Variants in LARP1 observed in about 807,000 individuals in gnomAD.
LARP1 encodes the protein la-related protein 1.
Under a neutral mutation model 122.7 loss-of-function variants are expected in LARP1, and 36 were observed. That is an observed-to-expected ratio of 0.29 (90% CI 0.22 to 0.39). The LOEUF (loss-of-function observed/expected upper bound fraction) is 0.39. Among genes scored for constraint, LARP1 ranks in the 10% least tolerant of loss-of-function variants. The pLI is 1.00. For synonymous variants in LARP1, 539 were observed against 528.7 expected, an observed-to-expected ratio of 1.02 and a Z score of -0.27; for missense variants, 1,040 against 1,403.6, an observed-to-expected ratio of 0.74 and a Z score of 4.14.
At chr5:154,747,389 G>A (rs975576631) in intron 1 of LARP1, among the ~76,000 whole-genome samples, 1 of 151,278 alleles carries the variant, frequency 6.6e-6, no homozygotes, top group Non-Finnish European at 1.5e-5. Flanking sequence ...CCAACATGGC[G>A]AAACCTCGTC....
chr5:154,803,443 T>C lies in LARP1; in HGVS notation c.2233+30T>C. 1 of 1,614,054 alleles carries C rather than the reference T, an allele frequency of 6.2e-7. No individual in the cohort carries two copies. Among genetic ancestry groups the C allele is most frequent in the Non-Finnish European group, 8.5e-7 (1 of 1,179,996 alleles). On this transcript the variant is annotated intron_variant, in intron 12 of 18. Transcript: ENST00000518297. The surrounding 1 kb of genome is among the most constrained non-coding windows in gnomAD (Gnocchi z 4.4). ...GAAGCAGACACCTGAGATCCTGACA[T>C]GGGTGAGAGGATCTAGGGCCCTTGG...
intron 18 of LARP1, 32 bp from the exon 19 acceptor site, chr5:154,813,848 AGTGCTTC>A: frequency 6.4e-7 from 1 of 1,567,772 alleles, no homozygotes. Flanking sequence ...GGGCGTAGAT[AGTGCTTC>A]TGATCACCTG....
At chr5:154,739,236 G>A (rs1054951565) in intron 1 of LARP1, among the ~76,000 whole-genome samples, 5 of 152,112 alleles carry the variant, frequency 3.3e-5, no homozygotes, top group Non-Finnish European at 7.4e-5. Context: ...TAGCCAGGAT[G>A]GTCTCGATCT....
chr5:154,729,654 C>G lies in LARP1; in HGVS notation c.205+16524C>G, dbSNP rs181509979. The stretch of plus-strand genomic sequence containing the variant: ...CTTTGTGAGAACCAATGAATAGGAG[C>G]CTGAGCTGCTGGAATCTATCCCTAT... On this transcript the variant is annotated intron_variant, in intron 1 of 18. Coordinates refer to the LARP1 transcript ENST00000336314. 25 of 386,458 alleles carry G rather than the reference C, an allele frequency of 6.5e-5. No homozygotes were observed. In the East Asian group the frequency reaches 1.5e-3, roughly 23 times the overall value. The allele number at this position is 386,458 out of a possible 1,614,324, so 23.9% of individuals were successfully genotyped here. A position where few individuals can be genotyped will look rare whatever the true frequency, so the allele number is the denominator to read the frequency against.
chr5:154,766,090 G>T lies in LARP1; in HGVS notation c.436+9897G>T, dbSNP rs577601420. ...TCACCTGAGAAGAAGCCTGGAAAGA[G>T]AACTCAGTTTTGGTTGAGGAAAGGC... On this transcript the variant is annotated intron_variant, in intron 1 of 18. Coordinates refer to ENST00000518297, the MANE Select transcript of LARP1 (RefSeq NM_033551.3). 7.9e-5 allele frequency among the ~76,000 whole-genome samples: 12 copies of T among 152,344 alleles called. No individual in the cohort carries two copies. The South Asian group carries it at 8.3e-4, about 11-fold the overall frequency.
At chr5:154,801,687 C>T (rs978219351) in intron 10 of LARP1, among the ~76,000 whole-genome samples, 1 of 152,136 alleles carries the variant, frequency 6.6e-6, no homozygotes, top group East Asian at 1.9e-4. Flanking sequence ...TTCTGTGTGT[C>T]CACTCCTAAG....
chr5:154,702,803 A>C (rs1754777403), intron 1 of LARP1, among the ~76,000 whole-genome samples: 1 of 152,082 alleles, frequency 6.6e-6, no homozygotes, highest in Non-Finnish European at 1.5e-5. Context: ...ACTGTCCCAA[A>C]TCACCAACCA....
rs763725514 is a variant in LARP1 at position 154,803,561 on chromosome 5, A to G, written c.2255A>G (p.Asn752Ser). The change falls in exon 13 of 19, where the codon AAC (asparagine) becomes AGC (serine). Residue 752 changes from asparagine (N) to serine (S), a missense_variant. Physicochemically the swap from Asn to Ser is conservative, Grantham distance 46. Around this residue, in one of 8 missense-constraint regions of LARP1, gnomAD observed 362 missense variants for 533.1 expected, o/e 0.68. Coordinates refer to ENST00000518297, the MANE Select transcript of LARP1 (RefSeq NM_033551.3). The surrounding 1 kb of genome is among the most constrained non-coding windows in gnomAD (Gnocchi z 4.4). ...GCAGTTCCTACGGATGCCCTGGCCAACAAGTTGTTTGGTGCTCCTGAGCCC... is the reference window on the plus strand; with the variant it reads ...GCAGTTCCTACGGATGCCCTGGCCAGCAAGTTGTTTGGTGCTCCTGAGCCC... ...FQQVPTDALA[N>S]KLFGAPEPST... 2 of 1,614,110 alleles carry G rather than the reference A, an allele frequency of 1.2e-6. No homozygotes were observed. Among genetic ancestry groups the G allele is most frequent in the Admixed American group, 1.7e-5 (1 of 60,018 alleles).
At chr5:154,708,510 G>A (rs1208442292), upstream of LARP1, among the ~76,000 whole-genome samples, 2 of 152,208 alleles carry the variant, frequency 1.3e-5, no homozygotes, top group East Asian at 3.8e-4. Flanking sequence ...AGACATGTGT[G>A]CTCTGTGTCC....
chr5:154,705,491 G>C (rs1754907123), intron 1 of LARP1: 1 of 152,194 alleles, frequency 6.6e-6, no homozygotes, highest in Admixed American at 6.6e-5. Flanking sequence ...TCCTGCCTCA[G>C]CCTCCCGAGT....
At chr5:154,744,988 A>G (rs1753114242) in intron 1 of LARP1, among the ~76,000 whole-genome samples, 1 of 147,428 alleles carries the variant, frequency 6.8e-6, no homozygotes, top group Admixed American at 6.9e-5. Context: ...GTCCAGTGGC[A>G]CCATCTCTGC....
chr5:154,775,435 A>T (rs1755791659), intron 1 of LARP1, among the ~76,000 whole-genome samples: 1 of 150,778 alleles, frequency 6.6e-6, no homozygotes, highest in African/African-American at 2.4e-5. Context: ...TCGAAGCTGC[A>T]GTGAACTGTG....
chr5:154,790,372 C>T lies in LARP1; in HGVS notation c.484C>T (p.Arg162Cys), dbSNP rs775862354. 1.4e-5 allele frequency: 22 copies of T among 1,613,436 alleles called. No homozygotes were observed. Among genetic ancestry groups the T allele is most frequent in the Non-Finnish European group, 1.7e-5 (20 of 1,179,774 alleles). Residue 162 changes from arginine to cysteine, a missense_variant, in exon 2 of 19, where the codon CGC (arginine) becomes TGC (cysteine). Around this residue, in one of 8 missense-constraint regions of LARP1, gnomAD observed 257 missense variants for 273.3 expected, o/e 0.94. Coordinates refer to ENST00000518297, the MANE Select transcript of LARP1 (RefSeq NM_033551.3). ...KVVRAAVPKQRKGSKVGDFGD... is the reference protein window; with the variant it reads ...KVVRAAVPKQCKGSKVGDFGD... ...GGTGAGGGCAGCTGTTCCTAAACAG[C>T]GCAAAGGCAGCAAGGTAAAGAATAA... is the stretch of plus-strand genomic sequence containing the variant.
chr5:154,777,025 T>G (rs1368044958), intron 1 of LARP1, among the ~76,000 whole-genome samples: 1 of 152,212 alleles, frequency 6.6e-6, no homozygotes, highest in Non-Finnish European at 1.5e-5. Context: ...TGTCATTAGT[T>G]GATTTTGTCA....
In LARP1 at chr5:154,816,246, A is replaced by G. The variant is rs1178129714; in HGVS notation, c.*2150A>G. On this transcript the variant is annotated 3_prime_UTR_variant, in exon 19 of 19. Transcript: ENST00000518297. ...TGCCCCACATTGTACCGGACACTGG[A>G]TTCCTGGACCCCCTTCTCCTTTCCT... 6.5e-6 allele frequency: 1 copy of G among 153,790 alleles called. No individual in the cohort carries two copies. The highest frequency in any genetic ancestry group is 1.4e-5 in the Non-Finnish European group (1 of 69,012). The allele number at this position is 153,790 out of a possible 1,614,324, so 9.5% of individuals were successfully genotyped here. A position where few individuals can be genotyped will look rare whatever the true frequency, so the allele number is the denominator to read the frequency against.
chr5:154,683,107 C>T (rs1033279559), intron 1 of LARP1, among the ~76,000 whole-genome samples: 6 of 152,208 alleles, frequency 3.9e-5, no homozygotes, highest in African/African-American at 1.2e-4. Flanking sequence ...CCCGGAGAGG[C>T]CTGGGGAGGG....
At chr5:154,703,889 G>A (rs1016995282) in intron 1 of LARP1, among the ~76,000 whole-genome samples, 20 of 152,108 alleles carry the variant, frequency 1.3e-4, no homozygotes, top group Non-Finnish European at 8.8e-5. Context: ...CCAAAGTGCT[G>A]GGAATACAGG....
At chr5:154,797,226 T>G (rs1348506120) in intron 8 of LARP1, among the ~76,000 whole-genome samples, 3 of 101,916 alleles carry the variant, frequency 2.9e-5, no homozygotes, top group Non-Finnish European at 3.9e-5. Context: ...TTGTTGTTTT[T>G]TTTTTTTTTT....
intron 1 of LARP1, among the ~76,000 whole-genome samples, chr5:154,770,360 A>G (rs1343684194): frequency 1.3e-5 from 2 of 151,854 alleles, no homozygotes; most frequent in Non-Finnish European, 2.9e-5. Context: ...TAGTTGCACT[A>G]TCCCCTGATC....
Sources: gnomAD v4.1 joint callset for allele counts (sites outside exome capture counted in the v4.1 genomes callset) on GRCh38, gnomAD v4.1.1 for gene constraint, gnomAD v4.1.1 regional missense constraint, Gnocchi (gnomAD v3.1) non-coding constraint, MANE v1.5 for transcripts, NCBI Gene and HGNC (gene_info 2026-07-23, HGNC 2026-07-21) for gene names.